The following PLEKHA4 variants were observed in gnomAD, a reference collection of about 807,000 sequenced individuals.
PLEKHA4 encodes pleckstrin homology domain containing A4, also known as pleckstrin homology domain-containing family A member 4.
Under a neutral mutation model 94.7 loss-of-function variants are expected in PLEKHA4, and 73 were observed. That is an observed-to-expected ratio of 0.77 (90% CI 0.64 to 0.94). The LOEUF (loss-of-function observed/expected upper bound fraction) is 0.94. Among genes scored for constraint, PLEKHA4 ranks in the 40% least tolerant of loss-of-function variants. PLEKHA4 has a pLI of 0.00. For synonymous variants in PLEKHA4, 449 were observed against 437.1 expected, an observed-to-expected ratio of 1.03 and a Z score of -0.34; for missense variants, 1,049 against 1,054.1, an observed-to-expected ratio of 1.00 and a Z score of 0.07.
At chr19:48,866,449 G>C (rs976760606) in intron 2 of PLEKHA4, among the ~76,000 whole-genome samples, 4 of 152,154 alleles carry the variant, frequency 2.6e-5, no homozygotes, top group Admixed American at 2.6e-4. Flanking sequence ...TGAGATTGCA[G>C]GCACGTGCCA....
intron 17 of PLEKHA4, among the ~76,000 whole-genome samples, chr19:48,840,388 C>T (rs1443780464): frequency 6.7e-6 from 1 of 150,096 alleles, no homozygotes; most frequent in Non-Finnish European, 1.5e-5. Flanking sequence ...GCACTCTAGC[C>T]TGGGCGACCT....
chr19:48,852,447 G>A (rs1303851575), intron 12 of PLEKHA4, 121 bp from the exon 13 acceptor site: 23 of 707,704 alleles, frequency 3.2e-5, no homozygotes, highest in South Asian at 8.8e-5. Context: ...CCCTGCAGGC[G>A]TATGGACTAC....
In PLEKHA4 at chr19:48,856,894, G is replaced by A. The variant is rs559478325; in HGVS notation, c.1047+528C>T. On this transcript the variant is annotated intron_variant, in intron 9 of 19. Coordinates refer to ENST00000263265, the MANE Select transcript of PLEKHA4 (RefSeq NM_020904.3). ...AGCCTGGGCGACAGAGAGAGACCCC[G>A]TCTCAAAAAAAAAAAAAAAAAAGAA... Among the ~76,000 whole-genome samples the A allele has an allele frequency of 9.2e-3, 500 of 54,360 alleles. 1 individual carries two copies. Among genetic ancestry groups the A allele is most frequent in the African/African-American group, 0.014 (52 of 3,818 alleles). The allele number at this position is 54,360 out of a possible 152,430, so 35.7% of individuals were successfully genotyped here.
At chr19:48,847,074 G>C (rs994762245) in intron 14 of PLEKHA4, among the ~76,000 whole-genome samples, 1 of 152,008 alleles carries the variant, frequency 6.6e-6, no homozygotes, top group African/African-American at 2.4e-5. Flanking sequence ...TTGATATTAG[G>C]ATTGAGTCCA....
Position 48,843,926 on chromosome 19 carries a change from G to T in PLEKHA4, c.1743+1444C>A, listed in dbSNP as rs1016871888. 2.6e-5 allele frequency among the ~76,000 whole-genome samples: 4 copies of T among 151,774 alleles called. No homozygotes were observed. The South Asian group carries it at 6.2e-4, about 24-fold the overall frequency. On this transcript the variant is annotated intron_variant, in intron 16 of 19. Transcript: ENST00000263265. ...ACCCGCCTCGGCATCCCAAAGTGCT[G>T]GGATTACAGGTGTGAGCCACTGCAC...
At chr19:48,853,543 A>C in intron 12 of PLEKHA4, 139 bp downstream of exon 12, 2 of 889,054 alleles carry the variant, frequency 2.2e-6, no homozygotes, top group Non-Finnish European at 3.1e-6. Context: ...CAATGAGGAG[A>C]GAGAAAAAAT....
At chr19:48,855,377 G>A (rs1599903295) in intron 9 of PLEKHA4, among the ~76,000 whole-genome samples, 1 of 152,222 alleles carries the variant, frequency 6.6e-6, no homozygotes, top group Non-Finnish European at 1.5e-5. Context: ...GCCGAGGCGG[G>A]TGGATCACCT....
intron 3 of PLEKHA4, 60 bp downstream of exon 3, chr19:48,865,443 A>T (rs1254639746): frequency 1.1e-5 from 14 of 1,305,370 alleles, no homozygotes; most frequent in Admixed American, 1.8e-5. Context: ...GCAAGGAGAG[A>T]GACAGAGGAC....
rs77909175 is a variant in PLEKHA4, at chr19:48,858,114, G to A, written c.973-618C>T. 1.8e-3 allele frequency among the ~76,000 whole-genome samples: 276 copies of A among 152,164 alleles called. 1 individual carries two copies. Among genetic ancestry groups the A allele is most frequent in the South Asian group, 3.1e-3 (15 of 4,822 alleles). On this transcript the variant is annotated intron_variant, in intron 8 of 19. Coordinates refer to ENST00000263265, the MANE Select transcript of PLEKHA4 (RefSeq NM_020904.3). Reference sequence around the variant, plus strand: ...AGGGTGATAATAAATGCACCAGCCTGGCAAAACAGCCCCACAAGATGATGG... The same window carrying A: ...AGGGTGATAATAAATGCACCAGCCTAGCAAAACAGCCCCACAAGATGATGG...
chr19:48,864,699 T>C (rs993159620), intron 3 of PLEKHA4, among the ~76,000 whole-genome samples: 1 of 152,048 alleles, frequency 6.6e-6, no homozygotes, highest in South Asian at 2.1e-4. Context: ...TAGCTGGGAC[T>C]ATAGGCGCAC....
chr19:48,865,598 C>G lies in PLEKHA4; in HGVS notation c.97G>C (p.Ala33Pro). ...SSLSPKKPTR[A>P]VNKIHAFGKR... is the part of the protein sequence containing the mutation. ...CCAAAGGCGTGGATCTTGTTTACTG[C>G]CCGGGTGGGCTTCTGAGGAGAGAAG... Residue 33 changes from alanine to proline, a missense_variant, in exon 3 of 20, where the codon GCA becomes CCA. Transcript: ENST00000263265. 3 of 1,613,216 alleles carry G rather than the reference C, an allele frequency of 1.9e-6. No individual in the cohort carries two copies. Among genetic ancestry groups the G allele is most frequent in the Non-Finnish European group, 2.5e-6 (3 of 1,179,370 alleles).
At chr19:48,861,297 A>G in intron 5 of PLEKHA4, 104 bp downstream of exon 5, 1 of 935,640 alleles carries the variant, frequency 1.1e-6, no homozygotes, top group Non-Finnish European at 1.8e-6. Context: ...CCAGTAATGG[A>G]TATTCCAGTG....
intron 12 of PLEKHA4, among the ~76,000 whole-genome samples, chr19:48,853,429 G>A (rs2036277381): frequency 6.6e-6 from 1 of 151,954 alleles, no homozygotes. Context: ...TACTCAGGAG[G>A]CTGAGGTTGC....
At chr19:48,861,766 G>A in intron 3 of PLEKHA4, 74 bp from the exon 4 acceptor site, 19 of 1,317,350 alleles carry the variant, frequency 1.4e-5, no homozygotes, top group Non-Finnish European at 2.1e-5. Context: ...TGACGATGGG[G>A]ACAGAGAGCC....
Position 48,853,666 on chromosome 19 carries a change from C to T in PLEKHA4, c.1326+16G>A. The T allele has an allele frequency of 6.5e-7, 1 of 1,530,160 alleles. No homozygotes were observed. Among genetic ancestry groups the T allele is most frequent in the Non-Finnish European group, 8.8e-7 (1 of 1,141,616 alleles). The allele number at this position is 1,530,160 out of a possible 1,614,324, so 94.8% of individuals were successfully genotyped here. ...TGGGGCCTCCTAGGAGGGCAGGCCC[C>T]TTCCCAGGTGCTCACCTGAGTCAAG... is the stretch of plus-strand genomic sequence containing the variant. On this transcript the variant is annotated intron_variant, in intron 12 of 19. Coordinates refer to ENST00000263265, the MANE Select transcript of PLEKHA4 (RefSeq NM_020904.3).
intron 12 of PLEKHA4, among the ~76,000 whole-genome samples, chr19:48,853,175 T>TATTCATTCATTC (rs35413065): frequency 7.3e-5 from 11 of 151,338 alleles, no homozygotes; most frequent in African/African-American, 2.4e-4. Flanking sequence ...AAGTGTTAAA[T>TATTCATTCATTC]ATTCATTCAT....
At chr19:48,842,249 C>T (rs2035798486) in intron 16 of PLEKHA4, among the ~76,000 whole-genome samples, 1 of 151,022 alleles carries the variant, frequency 6.6e-6, no homozygotes, top group Non-Finnish European at 1.5e-5. Flanking sequence ...GGTTCAAGCA[C>T]TTCTCTGCCT....
chr19:48,864,207 C>G (rs1297114228), intron 3 of PLEKHA4, among the ~76,000 whole-genome samples: 1 of 150,364 alleles, frequency 6.7e-6, no homozygotes, highest in Non-Finnish European at 1.5e-5. Context: ...CTCACTCCAT[C>G]ATCCAGGCTG....
chr19:48,853,415 C>T (rs543126411), intron 12 of PLEKHA4, among the ~76,000 whole-genome samples: 137 of 152,000 alleles, frequency 9.0e-4, no homozygotes, highest in Middle Eastern at 3.4e-3. Flanking sequence ...CCTGTAATCC[C>T]AGTTACTCAG....
Sources: allele counts gnomAD v4.1 joint callset (sites outside exome capture counted in the v4.1 genomes callset), GRCh38; gene constraint gnomAD v4.1.1; transcripts MANE v1.5; gene names NCBI Gene and HGNC (gene_info 2026-07-23, HGNC 2026-07-21).